MAP2K5: variants seen among roughly 807,000 people sequenced by gnomAD.
MAP2K5 encodes the protein mitogen-activated protein kinase kinase 5.
Under a neutral mutation model 83.1 loss-of-function variants are expected in MAP2K5, and 49 were observed. That is an observed-to-expected ratio of 0.59 (90% CI 0.47 to 0.75). The LOEUF is 0.75. MAP2K5 is among the 30% of genes least tolerant of loss of function. The pLI is 0.00. For missense variants in MAP2K5, 457 were observed against 557.5 expected, an observed-to-expected ratio of 0.82 and a Z score of 1.82; for synonymous variants, 202 against 191.8, an observed-to-expected ratio of 1.05 and a Z score of -0.44.
At chr15:67,574,513 A>C (rs2085013768) in intron 3 of MAP2K5, among the ~76,000 whole-genome samples, 1 of 151,358 alleles carries the variant, frequency 6.6e-6, no homozygotes, top group Non-Finnish European at 1.5e-5. Context: ...CGGAAGTTGT[A>C]TTGAGCCAGG....
intron 13 of MAP2K5, among the ~76,000 whole-genome samples, chr15:67,669,652 A>G (rs955982738): frequency 6.6e-6 from 1 of 152,110 alleles, no homozygotes; most frequent in African/African-American, 2.4e-5. Flanking sequence ...TTCTGGATAT[A>G]TTTTAAATGT....
intron 16 of MAP2K5, among the ~76,000 whole-genome samples, chr15:67,710,676 G>C (rs1477670893): frequency 6.6e-6 from 1 of 151,856 alleles, no homozygotes; most frequent in Non-Finnish European, 1.5e-5. Flanking sequence ...GCTGATTTTT[G>C]TATTTTTAGT....
At chr15:67,544,638 A>G (rs540008853) in intron 1 of MAP2K5, among the ~76,000 whole-genome samples, 7 of 152,334 alleles carry the variant, frequency 4.6e-5, no homozygotes, top group South Asian at 2.1e-4. Context: ...CCCATTCTAC[A>G]TGCAGAATAA....
Position 67,786,018 on chromosome 15 carries a change from GTT to G in MAP2K5, c.1242+13278_1242+13279del, listed in dbSNP as rs5813456. ...ACAGGGGGCTTTTAGCTGTTAGGTT[GTT>G]TTTTTTTTTTTAACTTACAGAAGAT... On this transcript the variant is annotated intron_variant, in intron 21 of 21. Transcript: ENST00000178640. The surrounding 1 kb of genome is among the most constrained non-coding windows in gnomAD (Gnocchi z 4.7). Among the ~76,000 whole-genome samples the G allele has an allele frequency of 3.4e-5, 5 of 146,882 alleles. No homozygotes were observed. Among genetic ancestry groups the G allele is most frequent in the Admixed American group, 6.7e-5 (1 of 14,822 alleles).
chr15:67,699,108 T>A (rs1187283867), intron 15 of MAP2K5, among the ~76,000 whole-genome samples: 1 of 152,120 alleles, frequency 6.6e-6, no homozygotes, highest in Non-Finnish European at 1.5e-5. Flanking sequence ...TCAACTCTTC[T>A]GTTTAAATAT....
intron 12 of MAP2K5, 123 bp downstream of exon 12, chr15:67,658,737 T>A: frequency 2.5e-6 from 2 of 804,108 alleles, no homozygotes; most frequent in African/African-American, 3.4e-5. Flanking sequence ...TAAGACCTTC[T>A]TGATTTTCTC....
At position 67,807,001 on chromosome 15, in the gene MAP2K5, G is replaced by A; in HGVS notation, c.*251G>A. 6.9e-7 allele frequency: 1 copy of A among 1,458,970 alleles called. No individual in the cohort carries two copies. Among genetic ancestry groups the A allele is most frequent in the East Asian group, 2.6e-5 (1 of 38,844 alleles). The allele number at this position is 1,458,970 out of a possible 1,614,324, so 90.4% of individuals were successfully genotyped here. A position where few individuals can be genotyped will look rare whatever the true frequency, so the allele number is the denominator to read the frequency against. On this transcript the variant is annotated 3_prime_UTR_variant, in exon 22 of 22. Transcript: ENST00000178640. This position sits in a 1 kb window ranked among gnomAD's most constrained non-coding sequence, Gnocchi z 5.1. ...AGAGAGGTAAAGGGTGGGGCATTGA[G>A]AATGGAGGCTCCCAGGGTCCCTGCC...
chr15:67,598,917 T>C (rs2085588401), intron 7 of MAP2K5, among the ~76,000 whole-genome samples: 1 of 152,222 alleles, frequency 6.6e-6, no homozygotes, highest in African/African-American at 2.4e-5. Context: ...TAGTTAATAG[T>C]ACAAATCAGG....
chr15:67,642,615 G>A, intron 9 of MAP2K5: 1 of 711,232 alleles, frequency 1.4e-6, no homozygotes, highest in Non-Finnish European at 2.6e-6. Flanking sequence ...GAAACAGCAG[G>A]AGCAAAGGCT....
intron 3 of MAP2K5, among the ~76,000 whole-genome samples, chr15:67,575,094 CT>C (rs1023844191): frequency 2.6e-5 from 4 of 152,002 alleles, no homozygotes; most frequent in Non-Finnish European, 4.4e-5. Context: ...TTGGAGGAGG[CT>C]CTGCACAATC....
At chr15:67,582,781 A>G (rs1008422011) in intron 4 of MAP2K5, among the ~76,000 whole-genome samples, 2 of 151,858 alleles carry the variant, frequency 1.3e-5, no homozygotes, top group Non-Finnish European at 2.9e-5. Flanking sequence ...TGTTTGTGCC[A>G]CTGTACTCCA....
At chr15:67,549,992 A>T (rs768560107) in intron 1 of MAP2K5, 42 bp from the exon 2 acceptor site, 1 of 1,517,532 alleles carries the variant, frequency 6.6e-7, no homozygotes, top group Admixed American at 1.7e-5. Flanking sequence ...TTAGCAATAA[A>T]GAAGATGGCT....
At position 67,555,649 on chromosome 15, in the gene MAP2K5, C is replaced by G. The variant is rs2084608915; in HGVS notation, c.184+5567C>G. Among the ~76,000 whole-genome samples, 2 of 152,280 alleles carry G rather than the reference C, an allele frequency of 1.3e-5. No individual in the cohort carries two copies. The highest frequency in any genetic ancestry group is 2.4e-5 in the African/African-American group (1 of 41,552). On this transcript the variant is annotated intron_variant, in intron 2 of 21. Coordinates refer to ENST00000178640, the MANE Select transcript of MAP2K5 (RefSeq NM_145160.3). The surrounding 1 kb of genome is among the most constrained non-coding windows in gnomAD (Gnocchi z 5.2). ...CCATTTCCCTCCAACCCCATCAACTCTGGATATTAGCAAACCTTTTAGTCA... is the reference window on the plus strand; with the variant it reads ...CCATTTCCCTCCAACCCCATCAACTGTGGATATTAGCAAACCTTTTAGTCA...
At position 67,731,877 on chromosome 15, in the gene MAP2K5, G is replaced by T. The variant is rs1223005801; in HGVS notation, c.1074+3932G>T. ...AGTTTGCCCTCTCTGCCCTAGGGAG[G>T]CCTCTTGTATAGATGAGAAATGCTG... On this transcript the variant is annotated intron_variant, in intron 17 of 21. Coordinates refer to ENST00000178640, the MANE Select transcript of MAP2K5 (RefSeq NM_145160.3). 3.3e-5 allele frequency among the ~76,000 whole-genome samples: 5 copies of T among 152,078 alleles called. No individual in the cohort carries two copies. The East Asian group carries it at 9.6e-4, about 29-fold the overall frequency.
chr15:67,580,160 T>C (rs781105480), intron 3 of MAP2K5, among the ~76,000 whole-genome samples: 1 of 152,206 alleles, frequency 6.6e-6, no homozygotes, highest in Non-Finnish European at 1.5e-5. Flanking sequence ...AATTTTACAG[T>C]GCAATTTGAT....
At chr15:67,707,820 C>A (rs1567374280) in intron 16 of MAP2K5, among the ~76,000 whole-genome samples, 1 of 152,202 alleles carries the variant, frequency 6.6e-6, no homozygotes, top group East Asian at 1.9e-4. Flanking sequence ...AGGTATGGAT[C>A]CCTGTAAACA....
At chr15:67,712,930 C>G (rs1341447470) in intron 16 of MAP2K5, among the ~76,000 whole-genome samples, 1 of 150,314 alleles carries the variant, frequency 6.7e-6, no homozygotes, top group Non-Finnish European at 1.5e-5. Flanking sequence ...AAAAAAAGAA[C>G]CAAGTCATGA....
rs993098375 is a variant in MAP2K5 at position 67,684,725 on chromosome 15, C to A, written c.848-7754C>A. Among the ~76,000 whole-genome samples, 4 of 152,152 alleles carry A rather than the reference C, an allele frequency of 2.6e-5. 1 individual carries two copies. The highest frequency in any genetic ancestry group is 6.8e-3 in the Middle Eastern group (2 of 294). On this transcript the variant is annotated intron_variant, in intron 13 of 21. Transcript: ENST00000178640. ...AAAAACTATATATGTCCAAGGAATT[C>A]ATAGGAAACATGAGCATAATGAGAG...
At chr15:67,683,771 C>T (rs1226759146) in intron 13 of MAP2K5, among the ~76,000 whole-genome samples, 1 of 152,050 alleles carries the variant, frequency 6.6e-6, no homozygotes, top group Non-Finnish European at 1.5e-5. Flanking sequence ...AAAAACAAAA[C>T]AAAACAAACA....
Sources: gnomAD v4.1 joint callset for allele counts (sites outside exome capture counted in the v4.1 genomes callset) on GRCh38, gnomAD v4.1.1 for gene constraint, Gnocchi (gnomAD v3.1) non-coding constraint, MANE v1.5 for transcripts, NCBI Gene and HGNC (gene_info 2026-07-23, HGNC 2026-07-21) for gene names.